Variants in STRN3 observed in about 807,000 individuals in gnomAD.
STRN3 encodes striatin 3.
A neutral mutation model predicts 95.6 loss-of-function variants in STRN3; 29 were observed. The ratio of observed to expected loss-of-function variants is 0.30; its 90% CI spans 0.23 to 0.41. STRN3 has a LOEUF of 0.41. STRN3 is among the 10% of genes least tolerant of loss of function. STRN3 has a pLI of 1.00. For missense variants in STRN3, 890 were observed against 972.1 expected, an observed-to-expected ratio of 0.92 and a Z score of 1.12; for synonymous variants, 331 against 357.6, an observed-to-expected ratio of 0.93 and a Z score of 0.84.
chr14:30,997,767 T>C (rs1394067496), intron 1 of STRN3, among the ~76,000 whole-genome samples: 2 of 152,188 alleles, frequency 1.3e-5, no homozygotes, highest in Non-Finnish European at 2.9e-5. Flanking sequence ...GCATCCTTAT[T>C]AAGGGTTGCT....
chr14:30,900,451 G>C (rs1018472653), intron 16 of STRN3, among the ~76,000 whole-genome samples: 2 of 148,946 alleles, frequency 1.3e-5, no homozygotes, highest in African/African-American at 2.5e-5. Flanking sequence ...GGCGGGGGGG[G>C]GCGGTGTGTG....
chr14:30,996,247 C>T (rs967113784), intron 1 of STRN3, among the ~76,000 whole-genome samples: 23 of 152,054 alleles, frequency 1.5e-4, no homozygotes, highest in South Asian at 6.2e-4. Flanking sequence ...GTTGGGTCAC[C>T]GACCACCTAG....
At chr14:30,907,628 C>G (rs1188027141) in intron 13 of STRN3, among the ~76,000 whole-genome samples, 2 of 152,098 alleles carry the variant, frequency 1.3e-5, no homozygotes. Flanking sequence ...GGGTCTTGCT[C>G]TATCACCCAG....
intron 5 of STRN3, among the ~76,000 whole-genome samples, chr14:30,937,461 C>T (rs937772390): frequency 6.6e-5 from 10 of 152,116 alleles, no homozygotes; most frequent in African/African-American, 2.4e-4. Flanking sequence ...TTAAGTCTTG[C>T]AGAATCACTT....
At chr14:30,895,947 A>G (rs1192445338) in intron 16 of STRN3, among the ~76,000 whole-genome samples, 199 bp from the exon 17 acceptor site, 4 of 152,220 alleles carry the variant, frequency 2.6e-5, no homozygotes, top group African/African-American at 9.6e-5. Context: ...ACAATGTTAC[A>G]CAACCATCAC....
intron 15 of STRN3, among the ~76,000 whole-genome samples, chr14:30,904,141 C>G (rs1414681510): frequency 6.6e-6 from 1 of 152,142 alleles, no homozygotes; most frequent in Non-Finnish European, 1.5e-5. Context: ...CCATTTCCCA[C>G]TAAAAGAAAC....
chr14:30,978,848 C>T (rs1881242160), intron 1 of STRN3, among the ~76,000 whole-genome samples: 1 of 152,032 alleles, frequency 6.6e-6, no homozygotes, highest in South Asian at 2.1e-4. Context: ...GCCTGGCCAA[C>T]ATGGTGAAAC....
chr14:31,007,826 A>G (rs917201188), intron 1 of STRN3, among the ~76,000 whole-genome samples: 8 of 152,154 alleles, frequency 5.3e-5, no homozygotes, highest in African/African-American at 1.9e-4. Context: ...TAGGAGTTCA[A>G]AGTTACAGTA....
chr14:31,002,977 G>GTC (rs1882538522), intron 1 of STRN3, among the ~76,000 whole-genome samples: 1 of 152,100 alleles, frequency 6.6e-6, no homozygotes, highest in Non-Finnish European at 1.5e-5. Context: ...AAATGGTTAA[G>GTC]ATGAGGCCGG....
Position 30,935,213 on chromosome 14 carries a change from T to A in STRN3, c.938A>T (p.Asp313Val). 5 of 1,614,124 alleles carry A rather than the reference T, an allele frequency of 3.1e-6. No individual in the cohort carries two copies. The highest frequency in any genetic ancestry group is 4.2e-6 in the Non-Finnish European group (5 of 1,179,994). ...CCGTGCTTCTCCAGCTCCTTCACCA[T>A]CTTCAGCAGTCACTAAAAAATCAAA... Reference protein sequence around the residue: ...KEFDFLVTAEDGEGAGEARSS... With the variant: ...KEFDFLVTAEVGEGAGEARSS... The change falls in exon 7 of 18, where the codon GAT becomes GTT. Residue 313 changes from aspartate (D) to valine (V), a missense_variant. Coordinates refer to ENST00000357479, the MANE Select transcript of STRN3 (RefSeq NM_001083893.2).
chr14:30,971,440 A>G (rs1292425108), intron 1 of STRN3, among the ~76,000 whole-genome samples: 4 of 152,238 alleles, frequency 2.6e-5, no homozygotes, highest in African/African-American at 9.6e-5. Flanking sequence ...ATTTGAGTCA[A>G]TATTTTGGTG....
At chr14:30,942,546 TAA>T (rs1052671596) in intron 5 of STRN3, among the ~76,000 whole-genome samples, 1 of 152,010 alleles carries the variant, frequency 6.6e-6, no homozygotes, top group African/African-American at 2.4e-5. Flanking sequence ...CAAACACGGT[TAA>T]AAAAAGAGGT....
chr14:30,904,515 C>T (rs999242056), intron 15 of STRN3, among the ~76,000 whole-genome samples: 2 of 152,134 alleles, frequency 1.3e-5, no homozygotes, highest in Non-Finnish European at 2.9e-5. Flanking sequence ...AAAACCAAAA[C>T]CCAATCATTT....
At position 31,014,831 on chromosome 14, in the gene STRN3, CAG is replaced by C. The variant is rs1594586418; in HGVS notation, c.282+11071_282+11072del. 6 of 382,706 alleles carry C rather than the reference CAG, an allele frequency of 1.6e-5. No homozygotes were observed. The East Asian group carries it at 5.3e-4, about 34-fold the overall frequency. 23.7% of individuals were successfully genotyped at this position (382,706 alleles called of 1,614,324 possible). On this transcript the variant is annotated intron_variant, in intron 1 of 17. Transcript: ENST00000357479. ...ACCACTTTAAAAAAAAAAAAAAAAACAGGGTCTCACTCTGTTGCCCAGGCTGC... is the reference window on the plus strand; with the variant it reads ...ACCACTTTAAAAAAAAAAAAAAAAACGGTCTCACTCTGTTGCCCAGGCTGC...
At chr14:30,947,953 T>G (rs1879447333) in intron 4 of STRN3, among the ~76,000 whole-genome samples, 1 of 152,144 alleles carries the variant, frequency 6.6e-6, no homozygotes, top group Non-Finnish European at 1.5e-5. Flanking sequence ...GCTTAAAAGA[T>G]GCCTTAAATA....
intron 1 of STRN3, among the ~76,000 whole-genome samples, chr14:31,007,485 C>T (rs1442489791): frequency 6.6e-6 from 1 of 152,058 alleles, no homozygotes; most frequent in Admixed American, 6.6e-5. Flanking sequence ...AGAAAAGTAA[C>T]CACAATATAC....
At chr14:30,995,648 C>T (rs558555470) in intron 1 of STRN3, among the ~76,000 whole-genome samples, 206 of 152,206 alleles carry the variant, frequency 1.4e-3, no homozygotes, top group Non-Finnish European at 2.3e-3. Flanking sequence ...GGAAGAGTTG[C>T]CCATCTTATT....
rs71112359 is a variant in STRN3, at chr14:30,952,124, C to CAA, written c.461-1182_461-1181dup. On this transcript the variant is annotated intron_variant, in intron 3 of 17. Transcript: ENST00000357479. ...CAGAGCGAGACCCTGTCTTAAACAA[C>CAA]AAAAAAAAAGAGTTTAATAAACAGT... is the stretch of plus-strand genomic sequence containing the variant. 1.3e-3 allele frequency among the ~76,000 whole-genome samples: 188 copies of CAA among 150,058 alleles called. 2 individuals are homozygous for CAA. Among genetic ancestry groups the CAA allele is most frequent in the African/African-American group, 3.5e-3 (145 of 40,860 alleles).
Position 31,020,325 on chromosome 14 carries a change from T to C in STRN3, c.282+5579A>G, listed in dbSNP as rs138396297. On this transcript the variant is annotated intron_variant, in intron 1 of 17. Transcript: ENST00000357479. The stretch of plus-strand genomic sequence containing the variant: ...ACCAGCCTGGCCAACATGGTGAAAC[T>C]CCATCTCTACAAAAAATACAAAAAT... Among the ~76,000 whole-genome samples, 828 of 151,142 alleles carry C rather than the reference T, an allele frequency of 5.5e-3. 9 individuals carry two copies. The highest frequency in any genetic ancestry group is 0.019 in the African/African-American group (779 of 41,204).
Sources: allele counts gnomAD v4.1 joint callset (sites outside exome capture counted in the v4.1 genomes callset), GRCh38; gene constraint gnomAD v4.1.1; transcripts MANE v1.5; gene names NCBI Gene and HGNC (gene_info 2026-07-23, HGNC 2026-07-21).